Variants in CCSER1 observed in about 807,000 individuals in gnomAD.
CCSER1 encodes coiled-coil serine rich protein 1.
Under a neutral mutation model 82.0 loss-of-function variants are expected in CCSER1, and 41 were observed. The ratio of observed to expected loss-of-function variants is 0.50; its 90% CI spans 0.39 to 0.65. The LOEUF (loss-of-function observed/expected upper bound fraction) is 0.65. Among genes scored for constraint, CCSER1 ranks in the 30% least tolerant of loss-of-function variants. The probability of loss-of-function intolerance (pLI) is 0.00; values close to 1 mark genes in which losing one functional copy is unlikely to be tolerated. For missense variants in CCSER1, 1,119 were observed against 1,064.2 expected (o/e 1.05, Z -0.72); for synonymous variants, 414 against 383.9 (o/e 1.08, Z -0.92).
At chr4:90,933,183 G>GTGTGTGTGTGTGTGTGTGTGTGTGTGTGT (rs1730446184) in intron 9 of CCSER1, among the ~76,000 whole-genome samples, 1 of 70,756 alleles carries the variant, frequency 1.4e-5, no homozygotes, top group African/African-American at 6.9e-5. Context: ...GTGTGTGTGT[G>GTGTGTGTGTGTGTGTGTGTGTGTGTGTGT]ATTTTATTTT....
intron 9 of CCSER1, among the ~76,000 whole-genome samples, chr4:91,014,210 A>G (rs538555785): frequency 2.2e-5 from 3 of 134,162 alleles, no homozygotes; most frequent in Admixed American, 2.2e-4. Flanking sequence ...ATCATTTAGT[A>G]TCCATGCTCT....
chr4:90,748,962 G>A (rs1362376584), intron 7 of CCSER1, among the ~76,000 whole-genome samples: 116 of 149,906 alleles, frequency 7.7e-4, no homozygotes, highest in Admixed American at 1.3e-3. Flanking sequence ...AGTAGGTTGC[G>A]AAAATTTTCT....
At chr4:90,271,845 TATATATATATATA>T (rs1161118973) in intron 1 of CCSER1, among the ~76,000 whole-genome samples, 15 of 23,882 alleles carry the variant, frequency 6.3e-4, no homozygotes, top group East Asian at 5.1e-3. Flanking sequence ...TATATATATA[TATATATATATATA>T]TATATTTTTT....
At chr4:90,286,636 A>T (rs985627765) in intron 1 of CCSER1, among the ~76,000 whole-genome samples, 1 of 152,084 alleles carries the variant, frequency 6.6e-6, no homozygotes, top group Non-Finnish European at 1.5e-5. Flanking sequence ...GAACATTTGT[A>T]ACAGATACAT....
chr4:91,142,858 A>G (rs1324005356), intron 10 of CCSER1, among the ~76,000 whole-genome samples: 1 of 151,950 alleles, frequency 6.6e-6, no homozygotes, highest in Non-Finnish European at 1.5e-5. Flanking sequence ...TTTTACCAGC[A>G]CCATGCTATT....
intron 6 of CCSER1, among the ~76,000 whole-genome samples, chr4:90,687,481 C>T (rs10002236): frequency 0.11 from 17,334 of 151,866 alleles, 1,340 homozygotes; most frequent in East Asian, 0.29. Flanking sequence ...GCTGGGTCAT[C>T]TGTGACAGCC....
chr4:90,749,537 A>G lies in CCSER1; in HGVS notation c.2010+25546A>G, dbSNP rs186793832. Among the ~76,000 whole-genome samples the G allele has an allele frequency of 4.3e-3, 650 of 152,150 alleles. 2 individuals are homozygous for G. The highest frequency in any genetic ancestry group is 0.015 in the African/African-American group (602 of 41,498). ...GCTATGCGGGCTCTTTTTTGGTTCC[A>G]TATGAACTTTAAAGTAGTTTTTTCC... is the stretch of plus-strand genomic sequence containing the variant. On this transcript the variant is annotated intron_variant, in intron 7 of 10. Transcript: ENST00000509176.
intron 1 of CCSER1, among the ~76,000 whole-genome samples, chr4:90,261,288 G>T (rs534318372): frequency 2.6e-5 from 4 of 151,940 alleles, no homozygotes; most frequent in Non-Finnish European, 4.4e-5. Flanking sequence ...CGTAGTGCTG[G>T]TTTGGTAGTG....
chr4:91,490,727 C>A, intron 10 of CCSER1, among the ~76,000 whole-genome samples: 1 of 148,266 alleles, frequency 6.7e-6, no homozygotes. Context: ...TAACAGTAAT[C>A]TAGTATATGT....
chr4:90,661,696 A>C (rs1730813679), intron 6 of CCSER1, among the ~76,000 whole-genome samples: 1 of 152,154 alleles, frequency 6.6e-6, no homozygotes, highest in South Asian at 2.1e-4. Context: ...AAAATATCAG[A>C]GTGTCCTACT....
At chr4:91,585,778 A>G (rs1763959203) in intron 10 of CCSER1, among the ~76,000 whole-genome samples, 1 of 151,538 alleles carries the variant, frequency 6.6e-6, no homozygotes. Context: ...ATGTTGCTAG[A>G]AACCCAATGA....
rs193210378 is a variant in CCSER1 at position 91,218,158 on chromosome 4, G to A, written c.2217+132164G>A. On this transcript the variant is annotated intron_variant, in intron 10 of 10. Transcript: ENST00000509176. ...CCCAGCGAGAAATCGAGCACAGCACGGTGGGCCGGCACTGCTGGGGGACTC... is the reference window on the plus strand; with the variant it reads ...CCCAGCGAGAAATCGAGCACAGCACAGTGGGCCGGCACTGCTGGGGGACTC... Among the ~76,000 whole-genome samples, 591 of 152,342 alleles carry A rather than the reference G, an allele frequency of 3.9e-3. 1 individual carries two copies. Among genetic ancestry groups the A allele is most frequent in the Non-Finnish European group, 5.7e-3 (391 of 68,028 alleles).
At chr4:90,658,972 A>G (rs1730237206) in intron 6 of CCSER1, among the ~76,000 whole-genome samples, 1 of 151,684 alleles carries the variant, frequency 6.6e-6, no homozygotes, top group Admixed American at 6.6e-5. Context: ...CACATGTGAT[A>G]TTTTCTTCCC....
intron 10 of CCSER1, among the ~76,000 whole-genome samples, chr4:91,594,946 A>G (rs1185957645): frequency 1.1e-4 from 16 of 152,062 alleles, no homozygotes; most frequent in Non-Finnish European, 1.5e-5. Context: ...CTCTGCCTCA[A>G]ACAAATACAC....
chr4:90,147,623 G>A (rs1200214371), intron 1 of CCSER1, among the ~76,000 whole-genome samples: 1 of 152,138 alleles, frequency 6.6e-6, no homozygotes, highest in East Asian at 1.9e-4. Context: ...CTAAAAGCAA[G>A]AGGCTTATAA....
Position 91,503,381 on chromosome 4 carries a change from T to G in CCSER1, c.2218-95191T>G, listed in dbSNP as rs111358608. 6.2e-4 allele frequency among the ~76,000 whole-genome samples: 94 copies of G among 151,858 alleles called. 1 individual carries two copies. The highest frequency in any genetic ancestry group is 2.2e-3 in the African/African-American group (90 of 41,484). On this transcript the variant is annotated intron_variant, in intron 10 of 10. Transcript: ENST00000509176. ...GAAAAAAAGAAAGATTTCCATATTTTCAATGGCTATATGTGCTGTAGAAAG... is the reference window on the plus strand; with the variant it reads ...GAAAAAAAGAAAGATTTCCATATTTGCAATGGCTATATGTGCTGTAGAAAG...
intron 8 of CCSER1, among the ~76,000 whole-genome samples, chr4:90,901,746 A>C (rs1414764612): frequency 6.6e-6 from 1 of 151,922 alleles, no homozygotes; most frequent in African/African-American, 2.4e-5. Flanking sequence ...GACCTTGGAT[A>C]ATCTCATGAC....
chr4:90,214,992 G>A (rs1740763676), intron 1 of CCSER1, among the ~76,000 whole-genome samples: 1 of 151,998 alleles, frequency 6.6e-6, no homozygotes, highest in Non-Finnish European at 1.5e-5. Flanking sequence ...TGTTATTAAG[G>A]GAAGAAAGAT....
chr4:91,398,427 ATACTT>A (rs1041411083), intron 10 of CCSER1, among the ~76,000 whole-genome samples: 2 of 152,082 alleles, frequency 1.3e-5, no homozygotes, highest in Admixed American at 1.3e-4. Context: ...TATATTTAAA[ATACTT>A]TAAATTAAAA....
Sources: allele counts gnomAD v4.1 joint callset (sites outside exome capture counted in the v4.1 genomes callset), GRCh38; gene constraint gnomAD v4.1.1; transcripts MANE v1.5; gene names NCBI Gene and HGNC (gene_info 2026-07-23, HGNC 2026-07-21).